The following CELSR1 variants were observed in gnomAD, a reference collection of about 807,000 sequenced individuals.
CELSR1 encodes the protein cadherin EGF LAG seven-pass G-type receptor 1.
A neutral mutation model predicts 249.1 loss-of-function variants in CELSR1; 110 were observed. The ratio of observed to expected loss-of-function variants is 0.44; its 90% confidence interval spans 0.38 to 0.52. The LOEUF (loss-of-function observed/expected upper bound fraction) is 0.52, where lower values mean the gene tolerates loss of function less well. Ranked by LOEUF, CELSR1 falls within the 20% of genes least tolerant of loss-of-function variation. CELSR1 has a pLI of 0.00. For synonymous variants in CELSR1, 2,113 were observed against 1,900.0 expected, an observed-to-expected ratio of 1.11 and a Z score of -2.92; for missense variants, 4,109 against 4,296.4, an observed-to-expected ratio of 0.96 and a Z score of 1.22.
rs542148647 is a variant in CELSR1, at chr22:46,363,282, GGTCA to G, written c.9036-39_9036-36del. On this transcript the variant is annotated intron_variant, in intron 34 of 34. Transcript: ENST00000674500. The surrounding 1 kb of genome is among the most constrained non-coding windows in gnomAD (Gnocchi z 4.3). ...GGAAGAAGCCAGCAAGCAGGTGAAG[GGTCA>G]GTGAGGGTAGCGGCTTGGTGGGGCC... 5.7e-5 allele frequency: 90 copies of G among 1,583,642 alleles called. 1 individual carries two copies. The South Asian group carries it at 9.7e-4, about 17-fold the overall frequency.
intron 1 of CELSR1, among the ~76,000 whole-genome samples, chr22:46,474,622 A>T (rs1365436299): frequency 1.3e-5 from 2 of 152,126 alleles, no homozygotes; most frequent in Non-Finnish European, 2.9e-5. Flanking sequence ...TGAAATATAC[A>T]ATACAATATT....
chr22:46,466,198 A>C (rs1233224364), intron 1 of CELSR1, among the ~76,000 whole-genome samples: 1 of 152,212 alleles, frequency 6.6e-6, no homozygotes, highest in Non-Finnish European at 1.5e-5. Context: ...AAAAGGCCTG[A>C]GGCAAAGGAC....
At chr22:46,432,175 G>A (rs924026259) in intron 5 of CELSR1, among the ~76,000 whole-genome samples, 1 of 152,180 alleles carries the variant, frequency 6.6e-6, no homozygotes, top group Non-Finnish European at 1.5e-5. Context: ...GGAGATGATG[G>A]GATATTCAAG....
rs1458666656 is a variant in CELSR1, at chr22:46,436,085, T to G, written c.4522+89A>C. ...GTGAGGGATGAAAGGGTAAGCAGCT[T>G]GGAGGCGCTGCACAGGGCGAGGGTC... On this transcript the variant is annotated intron_variant, in intron 4 of 34. Coordinates refer to ENST00000674500, the MANE Select transcript of CELSR1 (RefSeq NM_001378328.1). This position sits in a 1 kb window ranked among gnomAD's most constrained non-coding sequence, Gnocchi z 5.9. 1 of 945,460 alleles carries G rather than the reference T, an allele frequency of 1.1e-6. No individual in the cohort carries two copies. The highest frequency in any genetic ancestry group is 2.4e-5 in the East Asian group (1 of 41,356). The allele number at this position is 945,460 out of a possible 1,614,324, so 58.6% of individuals were successfully genotyped here. A position where few individuals can be genotyped will look rare whatever the true frequency, so the allele number is the denominator to read the frequency against.
chr22:46,362,752 G>T lies in CELSR1; in HGVS notation c.*471C>A. 5.2e-6 allele frequency: 1 copy of T among 193,664 alleles called. No homozygotes were observed. The highest frequency in any genetic ancestry group is 1.1e-5 in the Non-Finnish European group (1 of 93,942). 12.0% of individuals were successfully genotyped at this position (193,664 alleles called of 1,614,324 possible). A position where few individuals can be genotyped will look rare whatever the true frequency, so the allele number is the denominator to read the frequency against. On this transcript the variant is annotated 3_prime_UTR_variant, in exon 35 of 35. Coordinates refer to ENST00000674500, the MANE Select transcript of CELSR1 (RefSeq NM_001378328.1). Reference sequence around the variant, plus strand: ...ACATAGCGAAGTGATTTTAAGACAAGGGGTGCCTTTGCAAAGGACTGCCCG... The same window carrying T: ...ACATAGCGAAGTGATTTTAAGACAATGGGTGCCTTTGCAAAGGACTGCCCG...
intron 1 of CELSR1, among the ~76,000 whole-genome samples, chr22:46,465,177 G>A (rs1046147785): frequency 5.9e-5 from 9 of 151,968 alleles, no homozygotes; most frequent in African/African-American, 2.2e-4. Flanking sequence ...ACGGAGCAGC[G>A]GCCCCTGCCC....
intron 1 of CELSR1, chr22:46,481,570 TG>T: frequency 1.0e-6 from 1 of 978,718 alleles, no homozygotes; most frequent in Non-Finnish European, 1.6e-6. Context: ...CAGAGGCACA[TG>T]GTGGCACTCG....
At position 46,404,249 on chromosome 22, in the gene CELSR1, T is replaced by C. The variant is rs185505934; in HGVS notation, c.5227-4347A>G. ...CAACATGGTGAAAACCTGTCTCTAC[T>C]AAAAATACAAAAATTAGCTGGGCGT... On this transcript the variant is annotated intron_variant, in intron 9 of 34. Coordinates refer to ENST00000674500, the MANE Select transcript of CELSR1 (RefSeq NM_001378328.1). Among the ~76,000 whole-genome samples, 527 of 151,708 alleles carry C rather than the reference T, an allele frequency of 3.5e-3. 3 individuals are homozygous for C. The highest frequency in any genetic ancestry group is 5.2e-3 in the Non-Finnish European group (351 of 67,892).
chr22:46,507,582 C>T (rs2080527501), intron 1 of CELSR1, among the ~76,000 whole-genome samples: 1 of 152,194 alleles, frequency 6.6e-6, no homozygotes, highest in Non-Finnish European at 1.5e-5. Context: ...TCCCCAACCC[C>T]TCACCAGGCC....
intron 2 of CELSR1, among the ~76,000 whole-genome samples, chr22:46,459,199 T>C (rs1287815707): frequency 6.6e-6 from 1 of 152,128 alleles, no homozygotes; most frequent in Non-Finnish European, 1.5e-5. Context: ...GTTCCCATTT[T>C]AGTAATGAGT....
At chr22:46,465,550 C>A (rs1446173243) in intron 1 of CELSR1, among the ~76,000 whole-genome samples, 1 of 152,166 alleles carries the variant, frequency 6.6e-6, no homozygotes, top group Non-Finnish European at 1.5e-5. Context: ...CACCTTGTCA[C>A]CCCGAGCCCG....
In CELSR1 at chr22:46,399,468, T is replaced by C. The variant is rs1282193396; in HGVS notation, c.5412+249A>G. ...ACTGCTGAAGGCACCAACAGCATCA[T>C]GATGAGAAATGCAGCTGGAGGAAGT... On this transcript the variant is annotated intron_variant, in intron 10 of 34. Coordinates refer to ENST00000674500, the MANE Select transcript of CELSR1 (RefSeq NM_001378328.1). The surrounding 1 kb of genome is among the most constrained non-coding windows in gnomAD (Gnocchi z 5.0). Among the ~76,000 whole-genome samples the C allele has an allele frequency of 6.6e-6, 1 of 152,104 alleles. No individual in the cohort carries two copies. Among genetic ancestry groups the C allele is most frequent in the Non-Finnish European group, 1.5e-5 (1 of 68,026 alleles).
intron 1 of CELSR1, among the ~76,000 whole-genome samples, chr22:46,524,630 G>A (rs982608888): frequency 1.3e-5 from 2 of 152,004 alleles, no homozygotes; most frequent in Non-Finnish European, 2.9e-5. Context: ...TCCAGGACAA[G>A]AGAACAGGCG....
chr22:46,460,267 T>C (rs1187091151), intron 2 of CELSR1, among the ~76,000 whole-genome samples: 1 of 151,918 alleles, frequency 6.6e-6, no homozygotes, highest in Non-Finnish European at 1.5e-5. Flanking sequence ...TGGAAGTGTG[T>C]GAACCACACC....
rs541210438 is a variant in CELSR1 at position 46,535,005 on chromosome 22, G to T, written c.2166C>A (p.Tyr722Ter). 6.2e-7 allele frequency: 1 copy of T among 1,612,168 alleles called. No homozygotes were observed. Among genetic ancestry groups the T allele is most frequent in the East Asian group, 2.2e-5 (1 of 44,844 alleles). ...TCCGGGTGTTGCCGCCTGTGAGCTG[G>T]TAGGTAATCACACTGTTGGCGTCAC... ...RDRDANSVIT[Y>*]QLTGGNTRNR... The change falls in exon 1 of 35, where the codon TAC becomes TAA. Residue 722 changes from tyrosine (Y) to a stop codon, truncating the protein, a stop_gained. Coordinates refer to ENST00000674500, the MANE Select transcript of CELSR1 (RefSeq NM_001378328.1). LOFTEE classifies it high-confidence loss of function.
At chr22:46,477,160 A>C (rs916403689) in intron 1 of CELSR1, among the ~76,000 whole-genome samples, 3 of 152,152 alleles carry the variant, frequency 2.0e-5, no homozygotes, top group Non-Finnish European at 2.9e-5. Context: ...CCCTGGAGAC[A>C]CCAAACTCCC....
intron 1 of CELSR1, among the ~76,000 whole-genome samples, chr22:46,482,075 C>T (rs1359103019): frequency 1.3e-5 from 2 of 152,210 alleles, no homozygotes; most frequent in Admixed American, 1.3e-4. Flanking sequence ...ACCCGGCTGA[C>T]TTTTATAAAT....
At chr22:46,364,410 T>C in intron 33 of CELSR1, 102 bp downstream of exon 33, 7 of 1,497,080 alleles carry the variant, frequency 4.7e-6, no homozygotes, top group Admixed American at 2.0e-5. Context: ...GCCCAGGCCC[T>C]GACTTGCCCC....
intron 1 of CELSR1, among the ~76,000 whole-genome samples, chr22:46,496,180 A>G (rs536784577): frequency 1.3e-3 from 191 of 144,708 alleles, no homozygotes; most frequent in Non-Finnish European, 1.8e-3. Context: ...CAGCCTGGGC[A>G]ACAGAATGAG....
Sources: allele counts gnomAD v4.1 joint callset (sites outside exome capture counted in the v4.1 genomes callset), GRCh38; gene constraint gnomAD v4.1.1; non-coding constraint Gnocchi (gnomAD v3.1); transcripts MANE v1.5; gene names NCBI Gene and HGNC (gene_info 2026-07-23, HGNC 2026-07-21).